Variants in SGCD observed in about 807,000 individuals in gnomAD.
SGCD encodes delta-sarcoglycan.
In SGCD, 18 loss-of-function variants were observed where a neutral mutation model predicts 36.6. The ratio of observed to expected loss-of-function variants is 0.49; its 90% CI spans 0.34 to 0.73. SGCD has a LOEUF of 0.73. SGCD is among the 30% of genes least tolerant of loss of function. The probability of loss-of-function intolerance (pLI) is 0.01; values close to 1 mark genes in which losing one functional copy is unlikely to be tolerated. For missense variants in SGCD, 387 were observed against 346.7 expected, an observed-to-expected ratio of 1.12 and a Z score of -0.92; for synonymous variants, 133 against 130.6, an observed-to-expected ratio of 1.02 and a Z score of -0.12.
At chr5:156,364,448 A>G (rs569625162) in intron 3 of SGCD, among the ~76,000 whole-genome samples, 2 of 152,260 alleles carry the variant, frequency 1.3e-5, no homozygotes, top group South Asian at 2.1e-4. Context: ...GGGGCAGTGC[A>G]TGGCTTATAG....
rs371230561 is a variant in SGCD, at chr5:156,098,601, A to G, written c.-281-19277A>G. ...AGAGCCTATGGTTGTGTGTATGTGTATATATATATATATATATTTATTTAT... is the reference window on the plus strand; with the variant it reads ...AGAGCCTATGGTTGTGTGTATGTGTGTATATATATATATATATTTATTTAT... On this transcript the variant is annotated intron_variant, in intron 1 of 9. Transcript: ENST00000517913. Among the ~76,000 whole-genome samples, 365 of 46,998 alleles carry G rather than the reference A, an allele frequency of 7.8e-3. 1 individual carries two copies. The highest frequency in any genetic ancestry group is 0.075 in the African/African-American group (338 of 4,524). 30.8% of individuals were successfully genotyped at this position (46,998 alleles called of 152,430 possible).
intron 3 of SGCD, among the ~76,000 whole-genome samples, chr5:156,462,583 A>C (rs1038561823): frequency 1.3e-5 from 2 of 152,206 alleles, no homozygotes; most frequent in South Asian, 4.1e-4. Context: ...AACCTAACTT[A>C]TTAGAATTAT....
intron 1 of SGCD, among the ~76,000 whole-genome samples, chr5:156,080,806 A>G (rs796150098): frequency 1.3e-5 from 2 of 152,146 alleles, no homozygotes; most frequent in African/African-American, 4.8e-5. Flanking sequence ...TTTAGTCACA[A>G]TCCTTTAACC....
intron 2 of SGCD, among the ~76,000 whole-genome samples, chr5:156,339,643 TTA>T (rs147489698): frequency 0.034 from 5,218 of 152,280 alleles, 225 homozygotes; most frequent in African/African-American, 0.096. Context: ...CAGATAAAGT[TTA>T]TGTTTATACT....
intron 3 of SGCD, among the ~76,000 whole-genome samples, chr5:156,300,311 T>C (rs892483028): frequency 3.9e-5 from 6 of 152,054 alleles, no homozygotes; most frequent in Admixed American, 1.3e-4. Flanking sequence ...GGTTTTGGTA[T>C]ATTGTTTTTT....
chr5:156,072,230 G>A (rs971555531), intron 1 of SGCD, among the ~76,000 whole-genome samples: 4 of 152,072 alleles, frequency 2.6e-5, no homozygotes, highest in Non-Finnish European at 5.9e-5. Flanking sequence ...TAGCCTCGAT[G>A]GTCTTTACAA....
intron 2 of SGCD, among the ~76,000 whole-genome samples, chr5:156,333,366 G>C (rs1003957732): frequency 6.6e-6 from 1 of 152,066 alleles, no homozygotes; most frequent in Non-Finnish European, 1.5e-5. Flanking sequence ...TTTCACTCTG[G>C]CTGGAATACA....
chr5:156,678,713 T>C (rs933466584), intron 7 of SGCD, among the ~76,000 whole-genome samples: 9 of 152,218 alleles, frequency 5.9e-5, no homozygotes, highest in Non-Finnish European at 1.0e-4. Flanking sequence ...TGGAATGATA[T>C]GATTGCTTGT....
intron 7 of SGCD, among the ~76,000 whole-genome samples, chr5:156,727,035 G>A (rs1304204761): frequency 1.3e-5 from 2 of 152,218 alleles, no homozygotes; most frequent in Admixed American, 6.5e-5. Flanking sequence ...TGTTCAAAAT[G>A]AAGGTAATGT....
At chr5:156,397,490 A>C (rs1342897768) in intron 3 of SGCD, among the ~76,000 whole-genome samples, 1 of 152,206 alleles carries the variant, frequency 6.6e-6, no homozygotes, top group East Asian at 1.9e-4. Flanking sequence ...CAATGTTCAG[A>C]GAAGGAAAGT....
At chr5:156,546,087 G>A (rs935655185) in intron 4 of SGCD, among the ~76,000 whole-genome samples, 27 of 152,074 alleles carry the variant, frequency 1.8e-4, no homozygotes, top group Non-Finnish European at 1.2e-4. Flanking sequence ...TCTCCCCCTT[G>A]GATGTTAATA....
intron 6 of SGCD, among the ~76,000 whole-genome samples, chr5:156,633,959 AG>A (rs1391977011): frequency 4.6e-5 from 7 of 152,110 alleles, no homozygotes; most frequent in African/African-American, 1.7e-4. Context: ...ACTGTCTTCT[AG>A]GGGCATGACA....
chr5:156,298,253 A>G (rs1766951077), intron 3 of SGCD, among the ~76,000 whole-genome samples: 1 of 152,110 alleles, frequency 6.6e-6, no homozygotes, highest in Non-Finnish European at 1.5e-5. Flanking sequence ...TTAAAATACT[A>G]ATTTCATTTC....
In SGCD at chr5:156,488,105, T is replaced by TG. The variant is rs1487476245; in HGVS notation, c.193-20496_193-20495insG. 2.4e-4 allele frequency among the ~76,000 whole-genome samples: 33 copies of TG among 137,688 alleles called. No individual in the cohort carries two copies. The East Asian group carries it at 6.2e-3, about 26-fold the overall frequency. The allele number at this position is 137,688 out of a possible 152,430, so 90.3% of individuals were successfully genotyped here. On this transcript the variant is annotated intron_variant, in intron 3 of 8. Coordinates refer to ENST00000337851, the MANE Select transcript of SGCD (RefSeq NM_000337.6). Reference sequence around the variant, plus strand: ...TTCTGAACTTGAAGACAGGTTTTTTTTTTTTTTTTTTTTTTTTTTAAATAA... The same window carrying TG: ...TTCTGAACTTGAAGACAGGTTTTTTTGTTTTTTTTTTTTTTTTTTTAAATAA...
chr5:156,598,783 T>C (rs1481431067), intron 6 of SGCD, among the ~76,000 whole-genome samples: 1 of 152,354 alleles, frequency 6.6e-6, no homozygotes, highest in East Asian at 1.9e-4. Context: ...AACTCTGTGA[T>C]GGTATCACTT....
At chr5:156,684,205 A>T (rs1282073791) in intron 7 of SGCD, among the ~76,000 whole-genome samples, 1 of 152,104 alleles carries the variant, frequency 6.6e-6, no homozygotes, top group Admixed American at 6.5e-5. Context: ...ACTAGAGTTG[A>T]TGTCACTGAG....
chr5:156,376,443 A>G (rs1177845018), intron 3 of SGCD, among the ~76,000 whole-genome samples: 1 of 152,242 alleles, frequency 6.6e-6, no homozygotes, highest in Non-Finnish European at 1.5e-5. Context: ...AAAGGTGAAC[A>G]TAAATTTTTG....
intron 3 of SGCD, among the ~76,000 whole-genome samples, chr5:156,415,771 A>G (rs1247239832): frequency 6.6e-6 from 1 of 152,148 alleles, no homozygotes; most frequent in Non-Finnish European, 1.5e-5. Flanking sequence ...ACCTGTTAAC[A>G]TTTCCATATA....
At chr5:156,085,338 G>A (rs112855009) in intron 1 of SGCD, among the ~76,000 whole-genome samples, 60 of 152,254 alleles carry the variant, frequency 3.9e-4, no homozygotes, top group Non-Finnish European at 5.7e-4. Flanking sequence ...GATCCCTCAT[G>A]GCTAGGTGCT....
Sources: allele counts gnomAD v4.1 joint callset (sites outside exome capture counted in the v4.1 genomes callset), GRCh38; gene constraint gnomAD v4.1.1; transcripts MANE v1.5; gene names NCBI Gene and HGNC (gene_info 2026-07-23, HGNC 2026-07-21).